DYNC2H1: variants seen among roughly 807,000 people sequenced by gnomAD.
The protein encoded by DYNC2H1 is cytoplasmic dynein 2 heavy chain 1.
DYNC2H1 carries 410 observed loss-of-function variants against 570.0 expected under a neutral mutation model. The observed-to-expected ratio is 0.72, with a 90% confidence interval of 0.66 to 0.78. The LOEUF is 0.78. Ranked by LOEUF, DYNC2H1 falls within the 30% of genes least tolerant of loss-of-function variation. DYNC2H1 has a pLI of 0.00. For missense variants in DYNC2H1, 4,865 were observed against 5,046.4 expected (o/e 0.96, Z 1.09); for synonymous variants, 1,688 against 1,677.6 (o/e 1.01, Z -0.15).
Position 103,174,117 on chromosome 11 carries a change from G to C in DYNC2H1, c.5621G>C (p.Arg1874Thr). Residue 1874 changes from arginine to threonine, a missense_variant, in exon 36 of 89, where the codon AGA becomes ACA. Physicochemically the swap from Arg to Thr is moderately conservative, Grantham distance 71. Coordinates refer to ENST00000375735, the MANE Select transcript of DYNC2H1 (RefSeq NM_001377.3). ...WGLRALKTVLRGSGNLLRQLN... is the reference protein window; with the variant it reads ...WGLRALKTVLTGSGNLLRQLN... ...TTGAGAGCTTTGAAGACAGTTCTGA[G>C]AGGAAGTGGAAATCTCCTTAGACAG... 2 of 1,590,208 alleles carry C rather than the reference G, an allele frequency of 1.3e-6. No individual in the cohort carries two copies. Among genetic ancestry groups the C allele is most frequent in the Non-Finnish European group, 1.7e-6 (2 of 1,166,976 alleles).
Position 103,134,359 on chromosome 11 carries a change from A to G in DYNC2H1, c.2145A>G (p.Gln715=), listed in dbSNP as rs373969189. Residue 715 remains glutamine (Q), a synonymous_variant, in exon 15 of 89, where the codon CAA becomes CAG. Transcript: ENST00000375735. ...VLMNIDLLRQ[Q]QRWKDGLQEL... ...TGAATATTGATCTGCTTCGGCAGCA[A>G]CAGCGCTGGAAAGATGGATTACAAG... The G allele has an allele frequency of 5.3e-5, 86 of 1,609,548 alleles. No homozygotes were observed. The African/African-American group carries it at 8.2e-4, about 15-fold the overall frequency.
chr11:103,121,414 G>T lies in DYNC2H1; in HGVS notation c.1403G>T (p.Gly468Val). 1.9e-6 allele frequency: 3 copies of T among 1,612,912 alleles called. No homozygotes were observed. Among genetic ancestry groups the T allele is most frequent in the South Asian group, 2.2e-5 (2 of 90,822 alleles). The change falls in exon 10 of 89, where the codon GGT becomes GTT. Residue 468 changes from glycine (G) to valine (V), a missense_variant. Around this residue, in one of 5 missense-constraint regions of DYNC2H1, gnomAD observed 1,936 missense variants for 1,962.1 expected, o/e 0.99. Coordinates refer to ENST00000375735, the MANE Select transcript of DYNC2H1 (RefSeq NM_001377.3). ...GAGAATCGGTGCCGAGGAATTCCTG[G>T]TGATGCATCTGGACCACTTTCTGGC... Reference protein sequence around the residue: ...DFENRCRGIPGDASGPLSGKN... With the variant: ...DFENRCRGIPVDASGPLSGKN...
intron 52 of DYNC2H1, among the ~76,000 whole-genome samples, chr11:103,208,335 G>C (rs1863018092): frequency 1.3e-5 from 2 of 152,166 alleles, no homozygotes; most frequent in South Asian, 4.1e-4. Flanking sequence ...TGATTGGACT[G>C]GTAGATGCCT....
chr11:103,111,283 G>C (rs1180477063), intron 1 of DYNC2H1, among the ~76,000 whole-genome samples: 5 of 152,174 alleles, frequency 3.3e-5, no homozygotes, highest in African/African-American at 1.2e-4. Context: ...AAAAAGGATG[G>C]ATAATCATAG....
At position 103,209,719 on chromosome 11, in the gene DYNC2H1, A is replaced by G. The variant is rs771803672; in HGVS notation, c.8455-157A>G. Among the ~76,000 whole-genome samples, 4 of 151,954 alleles carry G rather than the reference A, an allele frequency of 2.6e-5. No homozygotes were observed. Among genetic ancestry groups the G allele is most frequent in the East Asian group, 1.9e-4 (1 of 5,192 alleles). On this transcript the variant is annotated intron_variant, in intron 52 of 88. Transcript: ENST00000375735. This position sits in a 1 kb window ranked among gnomAD's most constrained non-coding sequence, Gnocchi z 4.2. ...GTGTCAAAATGTTGTCTTGGAAATC[A>G]TTTCTTCTAAAGATTTCTGTATTAT...
rs1324754120 is a variant in DYNC2H1, at chr11:103,169,038, CT to C, written c.4968+84del. ...AGAAAATTTGTTATTGGTAGAAATA[CT>C]TTTTTATTTAAGTAGTAATTTTTCC... On this transcript the variant is annotated intron_variant, in intron 32 of 88. Coordinates refer to ENST00000375735, the MANE Select transcript of DYNC2H1 (RefSeq NM_001377.3). 17 of 1,270,638 alleles carry C rather than the reference CT, an allele frequency of 1.3e-5. No individual in the cohort carries two copies. In the Admixed American group the frequency reaches 3.4e-4, roughly 25 times the overall value. 78.7% of individuals were successfully genotyped at this position (1,270,638 alleles called of 1,614,324 possible). A position where few individuals can be genotyped will look rare whatever the true frequency, so the allele number is the denominator to read the frequency against.
intron 38 of DYNC2H1, among the ~76,000 whole-genome samples, chr11:103,178,189 A>G (rs1188426015): frequency 6.6e-6 from 1 of 152,138 alleles, no homozygotes; most frequent in Non-Finnish European, 1.5e-5. Flanking sequence ...GTATTAACTC[A>G]TTAGTTTGAA....
rs1591513138 is a variant in DYNC2H1 at position 103,277,266 on chromosome 11, C to T, written c.10696-3082C>T. ...TGTGTTCAAATTTTATCATGTATGG[C>T]TTTTTGTATTCAATTTTTTAAAAAT... is the stretch of plus-strand genomic sequence containing the variant. On this transcript the variant is annotated intron_variant, in intron 70 of 88. Coordinates refer to ENST00000375735, the MANE Select transcript of DYNC2H1 (RefSeq NM_001377.3). This position sits in a 1 kb window ranked among gnomAD's most constrained non-coding sequence, Gnocchi z 4.3. 6.6e-6 allele frequency among the ~76,000 whole-genome samples: 1 copy of T among 152,042 alleles called. No individual in the cohort carries two copies. Among genetic ancestry groups the T allele is most frequent in the African/African-American group, 2.4e-5 (1 of 41,524 alleles).
chr11:103,312,777 A>G (rs576992907), intron 79 of DYNC2H1, among the ~76,000 whole-genome samples: 40 of 152,178 alleles, frequency 2.6e-4, no homozygotes, highest in African/African-American at 8.9e-4. Flanking sequence ...TATCATTTTT[A>G]TAGTTTATAT....
rs1355643900 is a variant in DYNC2H1, at chr11:103,268,868, C to T, written c.10695+8891C>T. 1.3e-5 allele frequency among the ~76,000 whole-genome samples: 2 copies of T among 151,822 alleles called. No homozygotes were observed. Among genetic ancestry groups the T allele is most frequent in the Admixed American group, 1.3e-4 (2 of 15,250 alleles). The stretch of plus-strand genomic sequence containing the variant: ...CTCAGTTTATATATTCTCATTTTAT[C>T]GTTAGTAATACAGTATATTCACTGA... On this transcript the variant is annotated intron_variant, in intron 70 of 88. Coordinates refer to ENST00000375735, the MANE Select transcript of DYNC2H1 (RefSeq NM_001377.3). This position sits in a 1 kb window ranked among gnomAD's most constrained non-coding sequence, Gnocchi z 4.6.
At position 103,155,368 on chromosome 11, in the gene DYNC2H1, A is replaced by G. The variant is rs764895369; in HGVS notation, c.3611A>G (p.His1204Arg). The G allele has an allele frequency of 6.2e-7, 1 of 1,609,750 alleles. No individual in the cohort carries two copies. Among genetic ancestry groups the G allele is most frequent in the Non-Finnish European group, 8.5e-7 (1 of 1,178,338 alleles). The change falls in exon 25 of 89, where the codon CAT becomes CGT. Residue 1204 changes from histidine (H) to arginine (R), a missense_variant. By Grantham distance (29) the His-to-Arg change is conservative (BLOSUM62 0). Transcript: ENST00000375735. ...IPILKYVRGE[H>R]LSPDHWLDLF... ...ATCTTGAAATATGTGAGAGGGGAGCATCTTTCTCCAGATCACTGGCTTGAC... is the reference window on the plus strand; with the variant it reads ...ATCTTGAAATATGTGAGAGGGGAGCGTCTTTCTCCAGATCACTGGCTTGAC...
chr11:103,121,210 A>T (rs1257307062), intron 9 of DYNC2H1, among the ~76,000 whole-genome samples, 162 bp from the exon 10 acceptor site: 2 of 152,206 alleles, frequency 1.3e-5, no homozygotes, highest in Non-Finnish European at 2.9e-5. Flanking sequence ...ACAAGTTATT[A>T]TAATTCGCTG....
At chr11:103,424,013 A>C (rs1304174002) in intron 84 of DYNC2H1, among the ~76,000 whole-genome samples, 1 of 152,122 alleles carries the variant, frequency 6.6e-6, no homozygotes, top group Non-Finnish European at 1.5e-5. Context: ...AAAGGAGATC[A>C]AGACTTGTGC....
chr11:103,286,357 C>T lies in DYNC2H1; in HGVS notation c.10993C>T (p.Leu3665Phe). Residue 3665 changes from leucine (L) to phenylalanine (F), a missense_variant, in exon 74 of 89, where the codon CTT becomes TTT. Physicochemically the swap from Leu to Phe is conservative, Grantham distance 22. Transcript: ENST00000375735. ...SMCEQEFPSI[L>F]AKKVSLFQQI... is the part of the protein sequence containing the mutation. Reference sequence around the variant, plus strand: ...GTGTGAGCAAGAGTTTCCATCTATCCTTGCAAAGAAAGTTTCCTTATTTCA... The same window carrying T: ...GTGTGAGCAAGAGTTTCCATCTATCTTTGCAAAGAAAGTTTCCTTATTTCA... 1 of 1,612,718 alleles carries T rather than the reference C, an allele frequency of 6.2e-7. No individual in the cohort carries two copies. Among genetic ancestry groups the T allele is most frequent in the Non-Finnish European group, 8.5e-7 (1 of 1,179,552 alleles).
rs2135254295 is a variant in DYNC2H1, at chr11:103,253,309, G to C, written c.10067G>C (p.Gly3356Ala). Residue 3356 changes from glycine (G) to alanine (A), a missense_variant, in exon 66 of 89, where the codon GGT (glycine) becomes GCT (alanine). Transcript: ENST00000375735. ...AQGPRYVVQI[G>A]DKIIDYNEEF... ...GGACCACGTTATGTGGTACAAATAGGTGACAAAATTATTGACTACAATGAA... is the reference window on the plus strand; with the variant it reads ...GGACCACGTTATGTGGTACAAATAGCTGACAAAATTATTGACTACAATGAA... 1 of 1,612,998 alleles carries C rather than the reference G, an allele frequency of 6.2e-7. No individual in the cohort carries two copies. Among genetic ancestry groups the C allele is most frequent in the East Asian group, 2.2e-5 (1 of 44,788 alleles).
At chr11:103,409,826 A>G (rs1041819221) in intron 84 of DYNC2H1, among the ~76,000 whole-genome samples, 5 of 28,076 alleles carry the variant, frequency 1.8e-4, no homozygotes, top group Non-Finnish European at 2.7e-4. Context: ...CTCTGTGTAA[A>G]GTTAGTTATT....
intron 84 of DYNC2H1, among the ~76,000 whole-genome samples, chr11:103,423,249 GAATCAGTGGA>G (rs59242942): frequency 0.29 from 43,803 of 151,574 alleles, 6,379 homozygotes; most frequent in South Asian, 0.35. Flanking sequence ...GGAATGGAAG[GAATCAGTGGA>G]GATCAGTGGA....
chr11:103,454,105 A>G (rs313878), intron 85 of DYNC2H1, among the ~76,000 whole-genome samples: 92,566 of 151,926 alleles, frequency 0.61, 29,965 homozygotes, highest in African/African-American at 0.82. Flanking sequence ...AGCTTTAGAG[A>G]TTTTAATTTC....
intron 74 of DYNC2H1, 109 bp downstream of exon 74, chr11:103,286,495 G>T: frequency 1.6e-6 from 2 of 1,275,132 alleles, no homozygotes; most frequent in Non-Finnish European, 2.2e-6. Context: ...TACCTTTAAT[G>T]GCGTATTTGG....
Sources: allele counts gnomAD v4.1 joint callset (sites outside exome capture counted in the v4.1 genomes callset), GRCh38; gene constraint gnomAD v4.1.1; regional missense constraint gnomAD v4.1.1; non-coding constraint Gnocchi (gnomAD v3.1); transcripts MANE v1.5; gene names NCBI Gene and HGNC (gene_info 2026-07-23, HGNC 2026-07-21).